Variants in BNC2 observed in about 807,000 individuals in gnomAD.
BNC2 encodes the protein zinc finger protein basonuclin-2.
Under a neutral mutation model 76.3 loss-of-function variants are expected in BNC2, and 20 were observed. The ratio of observed to expected loss-of-function variants is 0.26; its 90% CI spans 0.18 to 0.38. BNC2 has a LOEUF of 0.38. BNC2 is among the 10% of genes least tolerant of loss of function. The pLI is 1.00. For synonymous variants in BNC2, 582 were observed against 514.8 expected (o/e 1.13, Z -1.77); for missense variants, 1,382 against 1,399.8 (o/e 0.99, Z 0.20).
intron 3 of BNC2, among the ~76,000 whole-genome samples, chr9:16,695,919 A>C (rs951800161): frequency 6.6e-6 from 1 of 152,078 alleles, no homozygotes; most frequent in African/African-American, 2.4e-5. Flanking sequence ...GGATTTTTCT[A>C]TATTTTTCAA....
intron 3 of BNC2, among the ~76,000 whole-genome samples, chr9:16,676,432 G>C (rs1822645530): frequency 6.6e-6 from 1 of 152,276 alleles, no homozygotes; most frequent in African/African-American, 2.4e-5. Context: ...CTTCTATGAA[G>C]CTGCTATGGC....
intron 1 of BNC2, among the ~76,000 whole-genome samples, chr9:16,853,700 G>A (rs1043498680): frequency 5.3e-5 from 8 of 151,904 alleles, no homozygotes; most frequent in African/African-American, 1.9e-4. Flanking sequence ...AACCCTGTCT[G>A]TACTAAAACT....
At chr9:16,445,061 T>C (rs774391262) in intron 5 of BNC2, among the ~76,000 whole-genome samples, 2 of 152,078 alleles carry the variant, frequency 1.3e-5, no homozygotes, top group Middle Eastern at 3.2e-3. Flanking sequence ...GCAGGCAAGA[T>C]GGGGAGAAGA....
intron 3 of BNC2, chr9:16,685,722 A>G (rs1822957765): frequency 1.3e-6 from 1 of 763,264 alleles, no homozygotes; most frequent in Non-Finnish European, 2.0e-6. Context: ...GGAAATCCCA[A>G]CTGCGGGTCT....
chr9:16,663,201 C>G (rs1186841233), intron 3 of BNC2, among the ~76,000 whole-genome samples: 1 of 143,262 alleles, frequency 7.0e-6, no homozygotes, highest in African/African-American at 2.6e-5. Flanking sequence ...GCAATCCCGG[C>G]TCACTGCAAC....
At chr9:16,750,949 G>A (rs1428867584) in intron 1 of BNC2, among the ~76,000 whole-genome samples, 3 of 152,188 alleles carry the variant, frequency 2.0e-5, no homozygotes, top group Admixed American at 6.5e-5. Context: ...TGGTACTTCA[G>A]CGGCAATGGC....
intron 3 of BNC2, among the ~76,000 whole-genome samples, chr9:16,645,688 T>C (rs1408599880): frequency 2.0e-5 from 3 of 152,198 alleles, no homozygotes; most frequent in African/African-American, 7.2e-5. Flanking sequence ...GTGGGAATAA[T>C]AACAGTATTA....
At chr9:16,450,043 A>G (rs1179750948) in intron 5 of BNC2, among the ~76,000 whole-genome samples, 1 of 152,206 alleles carries the variant, frequency 6.6e-6, no homozygotes, top group Non-Finnish European at 1.5e-5. Context: ...CAGACATAAA[A>G]CACAGAATCT....
intron 3 of BNC2, among the ~76,000 whole-genome samples, chr9:16,586,305 G>A (rs531401822): frequency 6.6e-6 from 1 of 152,244 alleles, no homozygotes; most frequent in Admixed American, 6.5e-5. Context: ...CTTATTGAAA[G>A]TAATTATTCC....
intron 5 of BNC2, among the ~76,000 whole-genome samples, chr9:16,490,359 CAAGGG>C (rs1243969098): frequency 6.6e-6 from 1 of 152,088 alleles, no homozygotes; most frequent in East Asian, 1.9e-4. Flanking sequence ...AAGAGAAGAG[CAAGGG>C]AACGACCAGC....
At chr9:16,604,650 A>G (rs10810578) in intron 3 of BNC2, among the ~76,000 whole-genome samples, 59,435 of 151,706 alleles carry the variant, frequency 0.39, 13,307 homozygotes, top group Middle Eastern at 0.57. Flanking sequence ...ATACAAAAAA[A>G]CACAATTAGC....
Position 16,625,100 on chromosome 9 carries a change from A to T in BNC2, c.331-42015T>A, listed in dbSNP as rs192864275. Reference sequence around the variant, plus strand: ...ACATAAACTGTCAAACTGAATCAAAACCCCTTTGCTTTTCAGAGAATTATT... The same window carrying T: ...ACATAAACTGTCAAACTGAATCAAATCCCCTTTGCTTTTCAGAGAATTATT... On this transcript the variant is annotated intron_variant, in intron 3 of 6. Transcript: ENST00000380672. 6.9e-4 allele frequency among the ~76,000 whole-genome samples: 105 copies of T among 152,246 alleles called. 1 individual carries two copies. In the South Asian group the frequency reaches 9.1e-3, roughly 13 times the overall value.
intron 5 of BNC2, among the ~76,000 whole-genome samples, chr9:16,502,559 C>T (rs904253955): frequency 1.3e-5 from 2 of 149,692 alleles, no homozygotes; most frequent in African/African-American, 5.1e-5. Context: ...TTTTCCCCCC[C>T]TCTTACTTCT....
chr9:16,691,504 CTT>C (rs71327842), intron 3 of BNC2, among the ~76,000 whole-genome samples: 5 of 113,234 alleles, frequency 4.4e-5, no homozygotes, highest in African/African-American at 1.1e-4. Context: ...GGTATGGGTT[CTT>C]TTTTTTTTTT....
At chr9:16,686,149 C>T (rs1380761311) in intron 3 of BNC2, among the ~76,000 whole-genome samples, 1 of 151,942 alleles carries the variant, frequency 6.6e-6, no homozygotes, top group Non-Finnish European at 1.5e-5. Flanking sequence ...CACAGGCAGA[C>T]TTCTATTTAT....
intron 1 of BNC2, among the ~76,000 whole-genome samples, chr9:16,856,256 C>T (rs1444228350): frequency 7.8e-6 from 1 of 127,402 alleles, no homozygotes; most frequent in African/African-American, 2.7e-5. Context: ...CATATTTCTT[C>T]ACACACACTC....
chr9:16,750,508 T>C (rs12004872), intron 1 of BNC2, among the ~76,000 whole-genome samples: 4,334 of 152,296 alleles, frequency 0.028, 145 homozygotes, highest in East Asian at 0.085. Flanking sequence ...ATTTGACCAG[T>C]AGATCATCTA....
intron 1 of BNC2, among the ~76,000 whole-genome samples, chr9:16,801,383 C>A (rs955323151): frequency 6.6e-6 from 1 of 150,624 alleles, no homozygotes; most frequent in South Asian, 2.1e-4. Flanking sequence ...GTAGCTGGGA[C>A]GTGCCCGGTT....
At chr9:16,493,771 G>A (rs1342058144) in intron 5 of BNC2, among the ~76,000 whole-genome samples, 1 of 152,182 alleles carries the variant, frequency 6.6e-6, no homozygotes, top group Non-Finnish European at 1.5e-5. Flanking sequence ...TTCTAGCAGA[G>A]GTGACTTCTG....
Sources: allele counts gnomAD v4.1 joint callset (sites outside exome capture counted in the v4.1 genomes callset), GRCh38; gene constraint gnomAD v4.1.1; transcripts MANE v1.5; gene names NCBI Gene and HGNC (gene_info 2026-07-23, HGNC 2026-07-21).